Variants in RERG observed in about 807,000 individuals in gnomAD.
RERG encodes RAS like estrogen regulated growth inhibitor, also known as ras-related and estrogen-regulated growth inhibitor.
A neutral mutation model predicts 23.2 loss-of-function variants in RERG; 25 were observed. That is an observed-to-expected ratio of 1.08 (90% CI 0.79 to 1.50). The LOEUF (loss-of-function observed/expected upper bound fraction) is 1.50. RERG is among the 40% of genes most tolerant of loss of function. The probability of loss-of-function intolerance (pLI) is 0.00; values close to 1 mark genes in which losing one functional copy is unlikely to be tolerated. For missense variants in RERG, 253 were observed against 250.1 expected (o/e 1.01, Z -0.08); for synonymous variants, 81 against 89.1 (o/e 0.91, Z 0.51).
At chr12:15,168,158 T>C (rs140168236) in intron 2 of RERG, among the ~76,000 whole-genome samples, 1 of 152,330 alleles carries the variant, frequency 6.6e-6, no homozygotes, top group East Asian at 1.9e-4. Context: ...AGATTGCATT[T>C]CTTGAGATTT....
chr12:15,177,522 TG>T (rs1864866957), intron 2 of RERG, among the ~76,000 whole-genome samples: 1 of 152,218 alleles, frequency 6.6e-6, no homozygotes, highest in South Asian at 2.1e-4. Flanking sequence ...TTATTTATGA[TG>T]TTCATCTGAA....
chr12:15,137,175 T>A (rs930002809), intron 2 of RERG, among the ~76,000 whole-genome samples: 16 of 151,854 alleles, frequency 1.1e-4, no homozygotes, highest in Non-Finnish European at 1.5e-4. Context: ...TTTTAATCCA[T>A]TATAATTTTC....
intron 2 of RERG, among the ~76,000 whole-genome samples, chr12:15,210,206 A>T (rs1435525565): frequency 2.0e-5 from 3 of 152,208 alleles, no homozygotes; most frequent in Non-Finnish European, 2.9e-5. Context: ...TACAAGGATG[A>T]TTTAAAATGT....
At chr12:15,149,612 A>G (rs1265961995) in intron 2 of RERG, among the ~76,000 whole-genome samples, 1 of 152,138 alleles carries the variant, frequency 6.6e-6, no homozygotes, top group African/African-American at 2.4e-5. Context: ...GAGGGTGGAG[A>G]CTTTAATGAA....
rs770965146 is a variant in RERG, at chr12:15,111,365, C to G, written c.171G>C (p.Glu57Asp). Residue 57 changes from glutamate (E) to aspartate (D), a missense_variant, in exon 4 of 5, where the codon GAG becomes GAC. Coordinates refer to ENST00000256953, the MANE Select transcript of RERG (RefSeq NM_032918.3). The stretch of plus-strand genomic sequence containing the variant: ...TCACCTGACCAGCAGTGTCTAGTAT[C>G]TCCATGGAAACAACTTCATCATCGA... Reference protein sequence around the residue: ...ATIDDEVVSMEILDTAGQEDT... With the variant: ...ATIDDEVVSMDILDTAGQEDT... 8 of 1,612,794 alleles carry G rather than the reference C, an allele frequency of 5.0e-6. No homozygotes were observed. Among genetic ancestry groups the G allele is most frequent in the South Asian group, 2.2e-5 (2 of 90,930 alleles).
intron 2 of RERG, among the ~76,000 whole-genome samples, chr12:15,209,045 C>A (rs1865331819): frequency 1.3e-5 from 2 of 152,122 alleles, no homozygotes; most frequent in South Asian, 4.1e-4. Flanking sequence ...TATGCTGTCA[C>A]ATTCCTCCCT....
At chr12:15,117,073 T>A (rs1338226160) in intron 3 of RERG, among the ~76,000 whole-genome samples, 2 of 152,106 alleles carry the variant, frequency 1.3e-5, no homozygotes, top group African/African-American at 2.4e-5. Context: ...AGAAGCATAT[T>A]TTATGTAGTC....
chr12:15,121,990 C>T (rs559007411), intron 2 of RERG, among the ~76,000 whole-genome samples: 1 of 151,720 alleles, frequency 6.6e-6, no homozygotes, highest in East Asian at 1.9e-4. Flanking sequence ...CAAACATTTT[C>T]TTACACTTGT....
At chr12:15,152,835 A>G (rs1009639619) in intron 2 of RERG, among the ~76,000 whole-genome samples, 18 of 152,314 alleles carry the variant, frequency 1.2e-4, no homozygotes, top group South Asian at 4.1e-4. Flanking sequence ...ACTCTTTGAA[A>G]AAAATGAATT....
intron 2 of RERG, among the ~76,000 whole-genome samples, chr12:15,169,031 G>A (rs1176124254): frequency 6.6e-6 from 1 of 152,052 alleles, no homozygotes; most frequent in Non-Finnish European, 1.5e-5. Flanking sequence ...TAATGACTCT[G>A]GAGATGAAAG....
intron 2 of RERG, among the ~76,000 whole-genome samples, chr12:15,161,955 G>C (rs1864621460): frequency 6.6e-6 from 1 of 152,166 alleles, no homozygotes; most frequent in East Asian, 1.9e-4. Context: ...TTACTAAGAG[G>C]TGGAGGCAAA....
intron 2 of RERG, among the ~76,000 whole-genome samples, chr12:15,206,787 A>G (rs759103584): frequency 2.0e-5 from 3 of 152,286 alleles, no homozygotes; most frequent in East Asian, 3.9e-4. Flanking sequence ...GTATTCATTC[A>G]TATCTTGGAA....
At chr12:15,220,422 T>C (rs1865497326) in intron 1 of RERG, among the ~76,000 whole-genome samples, 1 of 152,206 alleles carries the variant, frequency 6.6e-6, no homozygotes, top group Admixed American at 6.5e-5. Flanking sequence ...GATGCATTCA[T>C]TGATTTATTC....
intron 1 of RERG, among the ~76,000 whole-genome samples, chr12:15,218,963 G>A (rs565997397): frequency 6.6e-6 from 1 of 151,970 alleles, no homozygotes; most frequent in African/African-American, 2.4e-5. Flanking sequence ...TTTCACTATC[G>A]TTAATCTGCC....
intron 2 of RERG, among the ~76,000 whole-genome samples, chr12:15,161,294 TCA>T (rs1864611922): frequency 6.6e-6 from 1 of 152,152 alleles, no homozygotes; most frequent in Admixed American, 6.5e-5. Flanking sequence ...GGCCACTGTG[TCA>T]CACAGTATAA....
chr12:15,184,433 G>GA (rs35011454), intron 2 of RERG, among the ~76,000 whole-genome samples: 1 of 150,686 alleles, frequency 6.6e-6, no homozygotes, highest in Non-Finnish European at 1.5e-5. Context: ...CTTACAGAAA[G>GA]AAAAAAAAAG....
chr12:15,215,799 C>G (rs7966618), intron 2 of RERG, among the ~76,000 whole-genome samples: 3,812 of 152,204 alleles, frequency 0.025, 156 homozygotes, highest in African/African-American at 0.085. Context: ...GGCATCCCAG[C>G]TCAGGCTGAT....
chr12:15,151,563 G>T (rs1864443030), intron 2 of RERG, among the ~76,000 whole-genome samples: 1 of 152,174 alleles, frequency 6.6e-6, no homozygotes, highest in African/African-American at 2.4e-5. Context: ...AACTTTGAAA[G>T]AAAACACTAT....
chr12:15,144,814 A>C lies in RERG; in HGVS notation c.62-23695T>G, dbSNP rs181781644. On this transcript the variant is annotated intron_variant, in intron 2 of 4. Coordinates refer to ENST00000256953, the MANE Select transcript of RERG (RefSeq NM_032918.3). Reference sequence around the variant, plus strand: ...CATTTGGTCTGAAGATAACACTGTGAATCACACAAATCTAATGATATATCC... The same window carrying C: ...CATTTGGTCTGAAGATAACACTGTGCATCACACAAATCTAATGATATATCC... 2.6e-5 allele frequency among the ~76,000 whole-genome samples: 4 copies of C among 152,344 alleles called. No homozygotes were observed. In the East Asian group the frequency reaches 7.7e-4, roughly 29 times the overall value.
Sources: allele counts gnomAD v4.1 joint callset (sites outside exome capture counted in the v4.1 genomes callset), GRCh38; gene constraint gnomAD v4.1.1; transcripts MANE v1.5; gene names NCBI Gene and HGNC (gene_info 2026-07-23, HGNC 2026-07-21).